BEND7: variants seen among roughly 807,000 people sequenced by gnomAD.
BEND7 encodes the protein BEN domain-containing protein 7.
In BEND7, 28 loss-of-function variants were observed where a neutral mutation model predicts 50.9. The ratio of observed to expected loss-of-function variants is 0.55; its 90% confidence interval spans 0.41 to 0.75. BEND7 has a LOEUF of 0.75. BEND7 is among the 30% of genes least tolerant of loss of function. BEND7 has a pLI of 0.00. For synonymous variants in BEND7, 170 were observed against 183.9 expected (o/e 0.92, Z 0.61); for missense variants, 477 against 491.3 (o/e 0.97, Z 0.28).
At chr10:13,528,015 C>A (rs977856104) in intron 1 of BEND7, among the ~76,000 whole-genome samples, 1 of 152,194 alleles carries the variant, frequency 6.6e-6, no homozygotes, top group South Asian at 2.1e-4. Context: ...TTGGACACGG[C>A]GTGAGCTTCT....
At chr10:13,468,341 A>T (rs938366961) in intron 6 of BEND7, among the ~76,000 whole-genome samples, 18 of 152,170 alleles carry the variant, frequency 1.2e-4, no homozygotes, top group Non-Finnish European at 1.6e-4. Flanking sequence ...AAGAGCGGGG[A>T]GAGAAGGGCA....
chr10:13,517,758 G>T (rs1428261619), intron 2 of BEND7, among the ~76,000 whole-genome samples: 1 of 152,142 alleles, frequency 6.6e-6, no homozygotes, highest in African/African-American at 2.4e-5. Context: ...AAATGGAAAA[G>T]AATTTCAGGC....
In BEND7 at chr10:13,508,915, G is replaced by A. The variant is rs114997085; in HGVS notation, c.146-8835C>T. ...GGCACGGCGGTCAACCCCAGCCAGG[G>A]GACAGGAGCACTTTGTAATCATGGC... On this transcript the variant is annotated intron_variant, in intron 2 of 8. Coordinates refer to ENST00000466271, the MANE Select transcript of BEND7 (RefSeq NM_001369863.1). 1.5e-3 allele frequency among the ~76,000 whole-genome samples: 231 copies of A among 152,342 alleles called. 1 individual carries two copies. Among genetic ancestry groups the A allele is most frequent in the African/African-American group, 5.5e-3 (227 of 41,576 alleles).
intron 6 of BEND7, among the ~76,000 whole-genome samples, chr10:13,470,681 C>T (rs1037630962): frequency 8.5e-5 from 13 of 152,090 alleles, no homozygotes; most frequent in African/African-American, 2.4e-4. Flanking sequence ...GGTGATGAAG[C>T]GGTGGTGAAG....
chr10:13,456,322 G>A (rs796233901), intron 6 of BEND7, among the ~76,000 whole-genome samples: 56 of 152,312 alleles, frequency 3.7e-4, no homozygotes, highest in African/African-American at 1.3e-3. Context: ...AGGATGCTCA[G>A]GTGTGGCCAA....
intron 4 of BEND7, 79 bp downstream of exon 4, chr10:13,496,687 G>A: frequency 1.3e-5 from 19 of 1,485,530 alleles, no homozygotes; most frequent in Non-Finnish European, 1.7e-5. Flanking sequence ...TTTAATAAAA[G>A]CACAATGAAC....
intron 6 of BEND7, among the ~76,000 whole-genome samples, chr10:13,468,122 C>A (rs118178178): frequency 6.6e-6 from 1 of 152,102 alleles, no homozygotes; most frequent in East Asian, 1.9e-4. Flanking sequence ...TCCCAGTGTG[C>A]GCAGTAAATG....
At chr10:13,527,932 T>G in intron 1 of BEND7, 1 of 755,812 alleles carries the variant, frequency 1.3e-6, no homozygotes, top group Non-Finnish European at 1.6e-6. Flanking sequence ...TGCTATATGA[T>G]CTAGTCTAAA....
At chr10:13,502,784 G>T (rs902094006) in intron 2 of BEND7, 2 of 405,668 alleles carry the variant, frequency 4.9e-6, no homozygotes, top group Non-Finnish European at 6.6e-6. Flanking sequence ...TCTGGCACAG[G>T]TTGGTGGCCG....
rs750996860 is a variant in BEND7, at chr10:13,441,862, G to GC, written c.1235-113dup. ...ATAATTTCTCCAAACCTTCCTTGTA[G>GC]CCCCCCAAAAGAAGAAAAAGAAGCC... On this transcript the variant is annotated intron_variant, in intron 8 of 8. Coordinates refer to ENST00000466271, the MANE Select transcript of BEND7 (RefSeq NM_001369863.1). 8.2e-4 allele frequency: 891 copies of GC among 1,084,758 alleles called. 1 individual carries two copies. Among genetic ancestry groups the GC allele is most frequent in the Middle Eastern group, 2.0e-3 (10 of 4,900 alleles). The allele number at this position is 1,084,758 out of a possible 1,614,324, so 67.2% of individuals were successfully genotyped here.
chr10:13,492,672 G>C lies in BEND7; in HGVS notation c.776C>G (p.Thr259Ser). 6.2e-7 allele frequency: 1 copy of C among 1,614,210 alleles called. No homozygotes were observed. The highest frequency in any genetic ancestry group is 1.1e-5 in the South Asian group (1 of 91,088). Residue 259 changes from threonine to serine, a missense_variant, in exon 5 of 9, where the codon ACC becomes AGC. Physicochemically the swap from Thr to Ser is moderately conservative, Grantham distance 58. Around this residue, in one of 3 missense-constraint regions of BEND7, gnomAD observed 396 missense variants for 384.2 expected, o/e 1.03. Coordinates refer to ENST00000466271, the MANE Select transcript of BEND7 (RefSeq NM_001369863.1). The part of the protein sequence containing the change: ...ELSALQAAEH[T>S]SPEESRVLGF... The stretch of plus-strand genomic sequence containing the variant: ...TAGAACGCGGCTCTCCTCCGGGGAG[G>C]TGTGCTCGGCTGCCTGGAGAGCAGA...
chr10:13,503,952 G>A (rs903586086), intron 2 of BEND7, among the ~76,000 whole-genome samples: 1 of 152,204 alleles, frequency 6.6e-6, no homozygotes, highest in African/African-American at 2.4e-5. Context: ...AGCTGAGCAG[G>A]TCACCCCTGC....
At chr10:13,481,472 C>T (rs1238299453) in intron 5 of BEND7, among the ~76,000 whole-genome samples, 1 of 151,666 alleles carries the variant, frequency 6.6e-6, no homozygotes, top group Admixed American at 6.6e-5. Context: ...GGAACTAAGG[C>T]CCAAAGAGAT....
intron 7 of BEND7, 116 bp from the exon 8 acceptor site, chr10:13,447,432 C>A: frequency 2.0e-6 from 2 of 983,084 alleles, no homozygotes; most frequent in South Asian, 1.6e-5. Flanking sequence ...TTTCACCATT[C>A]TTTTCTGTTT....
At chr10:13,504,219 G>A (rs962668077) in intron 2 of BEND7, among the ~76,000 whole-genome samples, 13 of 152,202 alleles carry the variant, frequency 8.5e-5, no homozygotes, top group Non-Finnish European at 1.5e-4. Context: ...GTGGTGCAGT[G>A]TTAGTGTGGG....
rs1345136153 is a variant in BEND7, at chr10:13,528,596, G to A, written c.-63C>T. On this transcript the variant is annotated 5_prime_UTR_variant, in exon 1 of 9. Coordinates refer to ENST00000466271, the MANE Select transcript of BEND7 (RefSeq NM_001369863.1). ...CGGCAGCGGCGGCAGCGGCAGCGGC[G>A]GCAGCGGCAGCGGCGGCGCGGGCTC... is the stretch of plus-strand genomic sequence containing the variant. 6 of 834,624 alleles carry A rather than the reference G, an allele frequency of 7.2e-6. No individual in the cohort carries two copies. Among genetic ancestry groups the A allele is most frequent in the Admixed American group, 1.3e-4 (2 of 15,586 alleles). 51.7% of individuals were successfully genotyped at this position (834,624 alleles called of 1,614,324 possible). A position where few individuals can be genotyped will look rare whatever the true frequency, so the allele number is the denominator to read the frequency against.
At position 13,528,544 on chromosome 10, in the gene BEND7, AGGC is replaced by A. The variant is rs1263796201; in HGVS notation, c.-14_-12del. 2.0e-6 allele frequency: 2 copies of A among 1,021,914 alleles called. No homozygotes were observed. The highest frequency in any genetic ancestry group is 2.3e-6 in the Non-Finnish European group (2 of 854,650). The allele number at this position is 1,021,914 out of a possible 1,614,324, so 63.3% of individuals were successfully genotyped here. On this transcript the variant is annotated 5_prime_UTR_variant, in exon 1 of 9. Coordinates refer to ENST00000466271, the MANE Select transcript of BEND7 (RefSeq NM_001369863.1). ...CTCGGAGAACTCCATGGTGCGGGGAAGGCGGCGGCGGGGGCTGAGGAGGCGGCG... is the reference window on the plus strand; with the variant it reads ...CTCGGAGAACTCCATGGTGCGGGGAAGGCGGCGGGGGCTGAGGAGGCGGCG...
intron 2 of BEND7, among the ~76,000 whole-genome samples, chr10:13,505,777 T>A (rs563360333): frequency 6.6e-5 from 10 of 152,324 alleles, no homozygotes; most frequent in South Asian, 6.2e-4. Flanking sequence ...TGTGCCCATC[T>A]ATATGCCTCC....
At chr10:13,494,225 T>G (rs550585187) in intron 4 of BEND7, among the ~76,000 whole-genome samples, 1 of 152,280 alleles carries the variant, frequency 6.6e-6, no homozygotes, top group South Asian at 2.1e-4. Context: ...GAGACCATCC[T>G]GGCCAACATG....
Sources: allele counts gnomAD v4.1 joint callset (sites outside exome capture counted in the v4.1 genomes callset), GRCh38; gene constraint gnomAD v4.1.1; regional missense constraint gnomAD v4.1.1; transcripts MANE v1.5; gene names NCBI Gene and HGNC (gene_info 2026-07-23, HGNC 2026-07-21).